The following ENKUR variants were observed in gnomAD, a reference collection of about 807,000 sequenced individuals.
ENKUR encodes enkurin.
A neutral mutation model predicts 27.6 loss-of-function variants in ENKUR; 19 were observed. The observed-to-expected ratio is 0.69, with a 90% CI of 0.48 to 1.01. The LOEUF is 1.01. ENKUR is among the 50% of genes least tolerant of loss of function. The probability of loss-of-function intolerance (pLI) is 0.00; values close to 1 mark genes in which losing one functional copy is unlikely to be tolerated. For missense variants in ENKUR, 312 were observed against 310.5 expected, an observed-to-expected ratio of 1.00 and a Z score of -0.04; for synonymous variants, 117 against 96.9, an observed-to-expected ratio of 1.21 and a Z score of -1.22.
intron 2 of ENKUR, among the ~76,000 whole-genome samples, chr10:25,059,255 C>A (rs1388002252): frequency 6.6e-6 from 1 of 151,216 alleles, no homozygotes; most frequent in East Asian, 2.0e-4. Context: ...GCCTCAGCCT[C>A]CAAGTAGCTG....
At chr10:25,040,402 C>T (rs1328179066) in intron 2 of ENKUR, among the ~76,000 whole-genome samples, 1 of 145,002 alleles carries the variant, frequency 6.9e-6, no homozygotes, top group Non-Finnish European at 1.5e-5. Flanking sequence ...GACCGAGTCT[C>T]GCTCTCTCCC....
rs537094474 is a variant in ENKUR at position 24,999,015 on chromosome 10, T to C, written c.223+386A>G. 2.0e-4 allele frequency among the ~76,000 whole-genome samples: 30 copies of C among 152,280 alleles called. 1 individual carries two copies. The highest frequency in any genetic ancestry group is 6.5e-4 in the African/African-American group (27 of 41,568). On this transcript the variant is annotated intron_variant, in intron 2 of 5. Transcript: ENST00000331161. ...CAACAACTGGTAGTAATGGTTGTAA[T>C]TTTCATCTCTTGGAGAAAAGGCCAG...
intron 1 of ENKUR, among the ~76,000 whole-genome samples, chr10:25,006,832 C>G (rs1417823246): frequency 6.6e-6 from 1 of 152,196 alleles, no homozygotes; most frequent in Non-Finnish European, 1.5e-5. Context: ...AGATTTGTGT[C>G]TCGATCTCAG....
chr10:24,997,088 C>A (rs991903756), intron 2 of ENKUR, among the ~76,000 whole-genome samples: 9 of 152,160 alleles, frequency 5.9e-5, no homozygotes, highest in African/African-American at 2.2e-4. Flanking sequence ...GTGTTGCATG[C>A]CTGCAGTCCC....
At chr10:25,032,773 C>T (rs1188695340) in intron 2 of ENKUR, among the ~76,000 whole-genome samples, 2 of 152,116 alleles carry the variant, frequency 1.3e-5, no homozygotes, top group Admixed American at 6.5e-5. Context: ...TCTTCCCCTG[C>T]TGTATTTGTC....
chr10:25,039,933 GTAT>G (rs1485402670), intron 2 of ENKUR, among the ~76,000 whole-genome samples: 2 of 113,244 alleles, frequency 1.8e-5, no homozygotes, highest in Non-Finnish European at 1.8e-5. Flanking sequence ...AGAACTTAAA[GTAT>G]TAAAAAAAAA....
upstream of ENKUR, among the ~76,000 whole-genome samples, chr10:25,016,492 A>G (rs137911637): frequency 5.8e-3 from 884 of 152,334 alleles, 6 homozygotes; most frequent in Middle Eastern, 0.02. Flanking sequence ...ACGAGGACGC[A>G]AGGCCAGCGC....
intron 2 of ENKUR, chr10:25,026,338 G>C: frequency 6.0e-6 from 1 of 166,554 alleles, no homozygotes; most frequent in Admixed American, 6.5e-5. Flanking sequence ...CTGAAATCCA[G>C]GATGAAACAG....
intron 2 of ENKUR, among the ~76,000 whole-genome samples, chr10:25,051,019 G>C (rs114611261): frequency 6.6e-5 from 10 of 152,026 alleles, no homozygotes; most frequent in Non-Finnish European, 1.3e-4. Flanking sequence ...TTATTTTCCC[G>C]TGCATGCCTT....
intron 1 of ENKUR, among the ~76,000 whole-genome samples, chr10:25,007,303 G>A (rs544463460): frequency 1.1e-4 from 17 of 152,238 alleles, no homozygotes; most frequent in Admixed American, 4.6e-4. Flanking sequence ...CCTGGCAACT[G>A]ATTTTAAGGA....
chr10:25,021,411 T>G (rs1850716032), intron 2 of ENKUR, among the ~76,000 whole-genome samples: 1 of 152,186 alleles, frequency 6.6e-6, no homozygotes, highest in African/African-American at 2.4e-5. Flanking sequence ...TCTGCTGACT[T>G]TTTCCCCTCT....
chr10:25,017,845 A>G (rs1588670215), upstream of ENKUR, among the ~76,000 whole-genome samples: 2 of 152,140 alleles, frequency 1.3e-5, no homozygotes, highest in Admixed American at 6.5e-5. Context: ...TAGAGAAAAA[A>G]TTTGGCGGGA....
chr10:25,011,359 G>A (rs1850440275), intron 1 of ENKUR, among the ~76,000 whole-genome samples: 1 of 152,058 alleles, frequency 6.6e-6, no homozygotes, highest in South Asian at 2.1e-4. Context: ...TTTGTCAGAT[G>A]AGTAGGTTGC....
rs145561131 is a variant in ENKUR at position 25,038,770 on chromosome 10, G to C, written c.37+22342C>G. Among the ~76,000 whole-genome samples the C allele has an allele frequency of 3.6e-3, 549 of 152,254 alleles. 3 individuals are homozygous for C. Among genetic ancestry groups the C allele is most frequent in the African/African-American group, 0.012 (512 of 41,556 alleles). ...CTGGTTATCAGCACCTGAACCGAAT[G>C]GGAGAATATGATTTTAAATGCATAC... On this transcript the variant is annotated intron_variant, in intron 2 of 5. Coordinates refer to the ENKUR transcript ENST00000615958.
At chr10:25,017,824 T>A (rs377690460), upstream of ENKUR, among the ~76,000 whole-genome samples, 55 of 152,138 alleles carry the variant, frequency 3.6e-4, no homozygotes, top group African/African-American at 1.3e-3. Context: ...GGGATTTCTG[T>A]TTAGCAAGTA....
rs74122942 is a variant in ENKUR, at chr10:25,061,708, C to T, written c.-221-339G>A. On this transcript the variant is annotated intron_variant, in intron 1 of 5. Transcript: ENST00000615958. ...CAACCTACAAGCTGCCCTTCTCCAC[C>T]TGACATCCCAGTAGTGGGTGACTTC... Among the ~76,000 whole-genome samples, 1,267 of 152,292 alleles carry T rather than the reference C, an allele frequency of 8.3e-3. 14 individuals are homozygous for T. The highest frequency in any genetic ancestry group is 0.029 in the African/African-American group (1,186 of 41,550).
chr10:25,021,491 G>C lies in ENKUR; in HGVS notation c.38-25622C>G, dbSNP rs184422655. ...AAAAGTTTTATATTTGTTATTATTT[G>C]GTTTTTTATTGCTTGATGGTAGAAA... On this transcript the variant is annotated intron_variant, in intron 2 of 5. Transcript: ENST00000615958. Among the ~76,000 whole-genome samples, 50 of 152,012 alleles carry C rather than the reference G, an allele frequency of 3.3e-4. 1 individual carries two copies. Among genetic ancestry groups the C allele is most frequent in the Non-Finnish European group, 4.6e-4 (31 of 67,962 alleles).
chr10:25,007,583 C>A lies in ENKUR; in HGVS notation c.78-8037G>T, dbSNP rs371575499. Among the ~76,000 whole-genome samples, 52 of 152,170 alleles carry A rather than the reference C, an allele frequency of 3.4e-4. 1 individual carries two copies. In the South Asian group the frequency reaches 0.011, roughly 32 times the overall value. ...CAGAGTAGCTGGGACTACAGGCGCC[C>A]GCCACCACACCCGGGTAATTTTTTG... On this transcript the variant is annotated intron_variant, in intron 1 of 5. Transcript: ENST00000331161.
intron 2 of ENKUR, chr10:25,023,671 A>G (rs767540702): frequency 6.2e-7 from 1 of 1,614,142 alleles, no homozygotes; most frequent in South Asian, 1.1e-5. Flanking sequence ...GAAAAATGGA[A>G]TAATTGTATA....
Sources: allele counts gnomAD v4.1 joint callset (sites outside exome capture counted in the v4.1 genomes callset), GRCh38; gene constraint gnomAD v4.1.1; transcripts MANE v1.5; gene names NCBI Gene and HGNC (gene_info 2026-07-23, HGNC 2026-07-21).